TTC29: variants seen among roughly 807,000 people sequenced by gnomAD.
TTC29 encodes the protein tetratricopeptide repeat protein 29.
A neutral mutation model predicts 58.1 loss-of-function variants in TTC29; 49 were observed. The observed-to-expected ratio is 0.84, with a 90% confidence interval of 0.67 to 1.07. The LOEUF (loss-of-function observed/expected upper bound fraction) is 1.07. Among genes scored for constraint, TTC29 ranks in the 50% least tolerant of loss-of-function variants. The pLI is 0.00. For synonymous variants in TTC29, 209 were observed against 196.8 expected (o/e 1.06, Z -0.52); for missense variants, 582 against 555.6 (o/e 1.05, Z -0.48).
At chr4:146,817,036 C>T (rs1561153658) in intron 10 of TTC29, among the ~76,000 whole-genome samples, 3 of 152,066 alleles carry the variant, frequency 2.0e-5, no homozygotes, top group Non-Finnish European at 2.9e-5. Context: ...CAGGGATGCC[C>T]TCTCTCACCA....
chr4:146,790,205 T>C (rs1461984235), intron 11 of TTC29, among the ~76,000 whole-genome samples: 2 of 152,184 alleles, frequency 1.3e-5, no homozygotes, highest in African/African-American at 4.8e-5. Context: ...TTCTTTTTTT[T>C]TGAGACGGAG....
chr4:146,888,673 A>G (rs1288027653), intron 6 of TTC29, among the ~76,000 whole-genome samples: 2 of 152,194 alleles, frequency 1.3e-5, no homozygotes, highest in Non-Finnish European at 2.9e-5. Context: ...AGAGAGGTAC[A>G]AAGAAGTTAA....
intron 6 of TTC29, among the ~76,000 whole-genome samples, chr4:146,877,770 T>A (rs1461137853): frequency 6.6e-6 from 1 of 152,126 alleles, no homozygotes; most frequent in Non-Finnish European, 1.5e-5. Context: ...TAGAATACTG[T>A]GAGAAAAACA....
At chr4:146,752,571 C>CA (rs1458584603) in intron 11 of TTC29, among the ~76,000 whole-genome samples, 1 of 151,538 alleles carries the variant, frequency 6.6e-6, no homozygotes, top group East Asian at 1.9e-4. Context: ...CATATGGAAC[C>CA]AAAAAAGAGC....
intron 6 of TTC29, among the ~76,000 whole-genome samples, chr4:146,898,414 G>A (rs1266057740): frequency 6.6e-6 from 1 of 152,166 alleles, no homozygotes; most frequent in Non-Finnish European, 1.5e-5. Context: ...TCCAAAAACT[G>A]TCAACAATAA....
chr4:146,901,646 C>T (rs926714197), intron 6 of TTC29, among the ~76,000 whole-genome samples: 2 of 152,164 alleles, frequency 1.3e-5, no homozygotes, highest in Non-Finnish European at 1.5e-5. Context: ...GACCTTTGCA[C>T]TTATTGCATC....
At chr4:146,879,447 T>C (rs1731482729) in intron 6 of TTC29, among the ~76,000 whole-genome samples, 1 of 152,180 alleles carries the variant, frequency 6.6e-6, no homozygotes, top group African/African-American at 2.4e-5. Flanking sequence ...TAATGCATAC[T>C]GCTTTTAACT....
intron 11 of TTC29, among the ~76,000 whole-genome samples, chr4:146,714,529 G>C (rs549949652): frequency 2.7e-5 from 4 of 150,728 alleles, no homozygotes; most frequent in Non-Finnish European, 5.9e-5. Flanking sequence ...AATTGCTGAA[G>C]ACTATAAACC....
rs895639077 is a variant in TTC29 at position 146,828,007 on chromosome 4, A to AT, written c.977+5798dup. ...TTGAGTATCAGGTACTATCAAATAC[A>AT]TTTTTTTTCCTCTTATTGGTAAAAG... On this transcript the variant is annotated intron_variant, in intron 9 of 12. Coordinates refer to ENST00000325106, the MANE Select transcript of TTC29 (RefSeq NM_031956.4). Among the ~76,000 whole-genome samples the AT allele has an allele frequency of 5.7e-4, 87 of 152,078 alleles. 2 individuals are homozygous for AT. The highest frequency in any genetic ancestry group is 1.5e-3 in the South Asian group (7 of 4,812).
chr4:146,773,653 G>A (rs952999994), intron 11 of TTC29, among the ~76,000 whole-genome samples: 1 of 151,920 alleles, frequency 6.6e-6, no homozygotes, highest in African/African-American at 2.4e-5. Flanking sequence ...ATTTTGTTGT[G>A]GATTTTTACA....
At chr4:146,870,936 C>A (rs1486175244) in intron 7 of TTC29, among the ~76,000 whole-genome samples, 2 of 152,080 alleles carry the variant, frequency 1.3e-5, no homozygotes, top group African/African-American at 4.8e-5. Context: ...TAACACCAAT[C>A]TTTTACAAAC....
intron 11 of TTC29, among the ~76,000 whole-genome samples, chr4:146,728,654 C>T (rs1743976292): frequency 6.7e-6 from 1 of 148,370 alleles, no homozygotes; most frequent in Admixed American, 6.9e-5. Flanking sequence ...ACTACTCTCT[C>T]TCTCTCTATA....
At chr4:146,830,141 C>G (rs1728063249) in intron 9 of TTC29, among the ~76,000 whole-genome samples, 1 of 152,114 alleles carries the variant, frequency 6.6e-6, no homozygotes, top group African/African-American at 2.4e-5. Flanking sequence ...AGCATCAAAT[C>G]TTTTCTTCAC....
At chr4:146,889,979 C>A (rs1227070853) in intron 6 of TTC29, among the ~76,000 whole-genome samples, 2 of 151,730 alleles carry the variant, frequency 1.3e-5, no homozygotes, top group African/African-American at 4.8e-5. Context: ...CATTAAATTT[C>A]TCATATATAT....
At chr4:146,895,566 T>C (rs1732714327) in intron 6 of TTC29, among the ~76,000 whole-genome samples, 1 of 152,142 alleles carries the variant, frequency 6.6e-6, no homozygotes, top group African/African-American at 2.4e-5. Flanking sequence ...TTGAACTCTA[T>C]GAGGAAGCTC....
intron 10 of TTC29, among the ~76,000 whole-genome samples, chr4:146,807,552 G>T (rs2150124331): frequency 6.6e-6 from 1 of 152,188 alleles, no homozygotes; most frequent in African/African-American, 2.4e-5. Context: ...AAATGATAAA[G>T]GGGATATCAC....
intron 10 of TTC29, among the ~76,000 whole-genome samples, chr4:146,808,774 T>C (rs1350349211): frequency 2.4e-4 from 37 of 152,110 alleles, no homozygotes; most frequent in Admixed American, 2.4e-3. Flanking sequence ...TGCTCATGGA[T>C]AGGAAGAATC....
chr4:146,824,315 G>T lies in TTC29; in HGVS notation c.978-4067C>A, dbSNP rs148016216. Reference sequence around the variant, plus strand: ...TATTGAGAGTTTTTAACATGAAGGGGTGTTGTATTTTATCGAAGGCCTTTT... The same window carrying T: ...TATTGAGAGTTTTTAACATGAAGGGTTGTTGTATTTTATCGAAGGCCTTTT... On this transcript the variant is annotated intron_variant, in intron 9 of 12. Coordinates refer to ENST00000325106, the MANE Select transcript of TTC29 (RefSeq NM_031956.4). 1.8e-3 allele frequency among the ~76,000 whole-genome samples: 272 copies of T among 152,068 alleles called. 2 individuals are homozygous for T. In the East Asian group the frequency reaches 0.038, roughly 21 times the overall value.
Position 146,730,822 on chromosome 4 carries a change from G to C in TTC29, c.1331-23271C>G, listed in dbSNP as rs115462657. ...GAAGGTGGGACTGGAAACCTGATCT[G>C]AGTGGATTCAGGAAAGAATAGGAAG... On this transcript the variant is annotated intron_variant, in intron 11 of 12. Coordinates refer to ENST00000325106, the MANE Select transcript of TTC29 (RefSeq NM_031956.4). Among the ~76,000 whole-genome samples the C allele has an allele frequency of 2.4e-3, 373 of 152,302 alleles. 4 individuals carry two copies. Among genetic ancestry groups the C allele is most frequent in the African/African-American group, 8.0e-3 (333 of 41,570 alleles).
Sources: allele counts gnomAD v4.1 joint callset (sites outside exome capture counted in the v4.1 genomes callset), GRCh38; gene constraint gnomAD v4.1.1; transcripts MANE v1.5; gene names NCBI Gene and HGNC (gene_info 2026-07-23, HGNC 2026-07-21).